The following LRRC7 variants were observed in gnomAD, a reference collection of about 807,000 sequenced individuals.
LRRC7 encodes the protein leucine-rich repeat-containing protein 7.
A neutral mutation model predicts 175.7 loss-of-function variants in LRRC7; 23 were observed. The ratio of observed to expected loss-of-function variants is 0.13; its 90% CI spans 0.09 to 0.19. LRRC7 has a LOEUF of 0.19. Among genes scored for constraint, LRRC7 ranks in the 10% least tolerant of loss-of-function variants. LRRC7 has a pLI of 1.00. For missense variants in LRRC7, 1,354 were observed against 1,904.7 expected, an observed-to-expected ratio of 0.71 and a Z score of 5.38; for synonymous variants, 685 against 680.9, an observed-to-expected ratio of 1.01 and a Z score of -0.09.
At chr1:70,080,864 A>T (rs746697773) in intron 24 of LRRC7, among the ~76,000 whole-genome samples, 1 of 152,102 alleles carries the variant, frequency 6.6e-6, no homozygotes, top group Non-Finnish European at 1.5e-5. Context: ...TGAAGGTTTG[A>T]CTCCCATTCC....
intron 3 of LRRC7, among the ~76,000 whole-genome samples, chr1:69,780,096 C>A (rs1673314252): frequency 6.6e-6 from 1 of 152,146 alleles, no homozygotes; most frequent in Non-Finnish European, 1.5e-5. Flanking sequence ...CTCCCACCTG[C>A]CTGTCTGTTC....
chr1:69,931,451 T>G, intron 7 of LRRC7, 56 bp from the exon 8 acceptor site: 3 of 1,410,748 alleles, frequency 2.1e-6, no homozygotes, highest in Non-Finnish European at 3.0e-6. Context: ...GGAATGTCTT[T>G]TAGAGCAATG....
chr1:69,684,841 A>T (rs555634354), intron 2 of LRRC7, among the ~76,000 whole-genome samples: 1 of 152,342 alleles, frequency 6.6e-6, no homozygotes, highest in South Asian at 2.1e-4. Context: ...ATCTTATTCT[A>T]TAATCCCAAT....
chr1:70,075,531 C>G (rs1025962784), intron 23 of LRRC7, among the ~76,000 whole-genome samples: 6 of 152,148 alleles, frequency 3.9e-5, no homozygotes, highest in Non-Finnish European at 8.8e-5. Context: ...GCTAGTGCCC[C>G]CACAGGAATT....
chr1:69,573,154 T>A (rs1288680865), intron 1 of LRRC7, among the ~76,000 whole-genome samples: 1 of 152,168 alleles, frequency 6.6e-6, no homozygotes, highest in African/African-American at 2.4e-5. Context: ...TGATTCTCAC[T>A]GTTTTGAAGA....
At chr1:69,885,595 G>GT (rs200936239) in intron 7 of LRRC7, among the ~76,000 whole-genome samples, 1 of 127,642 alleles carries the variant, frequency 7.8e-6, no homozygotes, top group Non-Finnish European at 1.6e-5. Flanking sequence ...TTTTTGAAGG[G>GT]TTTTTTGTGT....
chr1:69,726,059 T>C lies in LRRC7; in HGVS notation c.101-34132T>C, dbSNP rs1470861621. ...AGAAAGATGGAACAGCAGAAGAGAG[T>C]AAAATTCACATTTATCAAGTCATTT... On this transcript the variant is annotated intron_variant, in intron 2 of 26. Coordinates refer to ENST00000651989, the MANE Select transcript of LRRC7 (RefSeq NM_001370785.2). 3.3e-5 allele frequency among the ~76,000 whole-genome samples: 5 copies of C among 152,272 alleles called. No individual in the cohort carries two copies. The East Asian group carries it at 9.6e-4, about 29-fold the overall frequency.
chr1:69,975,003 A>C (rs1219891260), intron 8 of LRRC7, among the ~76,000 whole-genome samples: 1 of 152,252 alleles, frequency 6.6e-6, no homozygotes, highest in East Asian at 1.9e-4. Flanking sequence ...CAGATTATTT[A>C]TCCATAAAGT....
chr1:69,758,088 C>T (rs1309432424), intron 2 of LRRC7, among the ~76,000 whole-genome samples: 1 of 151,960 alleles, frequency 6.6e-6, no homozygotes, highest in Non-Finnish European at 1.5e-5. Flanking sequence ...TTACTAAGTG[C>T]CTATTATATA....
chr1:69,749,827 G>A (rs1177826669), intron 2 of LRRC7, among the ~76,000 whole-genome samples: 1 of 151,978 alleles, frequency 6.6e-6, no homozygotes, highest in Non-Finnish European at 1.5e-5. Context: ...ACTTTGGGAG[G>A]CTGAGGTGGG....
At chr1:70,092,547 AT>A (rs1387040108) in intron 25 of LRRC7, among the ~76,000 whole-genome samples, 1 of 152,134 alleles carries the variant, frequency 6.6e-6, no homozygotes, top group African/African-American at 2.4e-5. Context: ...TAATTAATAC[AT>A]TTGTTCCATT....
At chr1:69,948,681 C>A (rs578068002) in intron 8 of LRRC7, among the ~76,000 whole-genome samples, 3 of 152,078 alleles carry the variant, frequency 2.0e-5, no homozygotes, top group Non-Finnish European at 4.4e-5. Flanking sequence ...ATTGATGTGC[C>A]AGCTACTTTT....
chr1:69,892,150 G>T (rs566414797), intron 7 of LRRC7, among the ~76,000 whole-genome samples: 51 of 152,266 alleles, frequency 3.3e-4, no homozygotes, highest in Admixed American at 6.5e-4. Context: ...TATCGTAAAA[G>T]GGGAGCAGTT....
At chr1:69,918,109 T>C (rs1646774411) in intron 7 of LRRC7, among the ~76,000 whole-genome samples, 1 of 152,196 alleles carries the variant, frequency 6.6e-6, no homozygotes, top group African/African-American at 2.4e-5. Flanking sequence ...TGTCACTCTA[T>C]GAAGTAATTA....
At position 70,123,419 on chromosome 1, in the gene LRRC7, C is replaced by G. The variant is rs1666303707; in HGVS notation, c.*1532C>G. 6.6e-6 allele frequency: 1 copy of G among 152,080 alleles called. No homozygotes were observed. The highest frequency in any genetic ancestry group is 1.5e-5 in the Non-Finnish European group (1 of 67,980). The allele number at this position is 152,080 out of a possible 1,614,324, so 9.4% of individuals were successfully genotyped here. ...TCTGAGAATAATATTTGTAAGTTAA[C>G]TGTTTTATGGGGACATTGAAAATAT... On this transcript the variant is annotated 3_prime_UTR_variant, in exon 27 of 27. Coordinates refer to ENST00000651989, the MANE Select transcript of LRRC7 (RefSeq NM_001370785.2).
Position 70,132,447 on chromosome 1 carries a change from CTTTTCTTTTCTTTTTTT to C in LRRC7, c.*10565_*10581del, listed in dbSNP as rs1439761463. 1.4e-5 allele frequency among the ~76,000 whole-genome samples: 1 copy of C among 69,540 alleles called. No homozygotes were observed. Among genetic ancestry groups the C allele is most frequent in the Non-Finnish European group, 2.7e-5 (1 of 37,564 alleles). The allele number at this position is 69,540 out of a possible 152,430, so 45.6% of individuals were successfully genotyped here. A position where few individuals can be genotyped will look rare whatever the true frequency, so the allele number is the denominator to read the frequency against. ...CCAGAGTACTTTTCTTTTTTCTTTT[CTTTTCTTTTCTTTTTTT>C]TTTTTTTTTTTTTTTTTTTGAGACG... On this transcript the variant is annotated 3_prime_UTR_variant, in exon 27 of 27. Coordinates refer to ENST00000651989, the MANE Select transcript of LRRC7 (RefSeq NM_001370785.2).
At chr1:69,800,687 A>G (rs539588739) in intron 4 of LRRC7, among the ~76,000 whole-genome samples, 2 of 152,008 alleles carry the variant, frequency 1.3e-5, no homozygotes, top group East Asian at 1.9e-4. Context: ...TAGTAAACAG[A>G]GATCATTTCA....
At chr1:69,884,853 T>A (rs1031565477) in intron 7 of LRRC7, among the ~76,000 whole-genome samples, 9 of 143,392 alleles carry the variant, frequency 6.3e-5, no homozygotes, top group Non-Finnish European at 1.2e-4. Context: ...CAAAGGCTTT[T>A]TCTGCATCTA....
intron 2 of LRRC7, among the ~76,000 whole-genome samples, chr1:69,721,900 G>C (rs1666393673): frequency 6.6e-6 from 1 of 151,554 alleles, no homozygotes; most frequent in Non-Finnish European, 1.5e-5. Flanking sequence ...CTTTTTTTAA[G>C]TGTATACTTC....
Sources: allele counts gnomAD v4.1 joint callset (sites outside exome capture counted in the v4.1 genomes callset), GRCh38; gene constraint gnomAD v4.1.1; transcripts MANE v1.5; gene names NCBI Gene and HGNC (gene_info 2026-07-23, HGNC 2026-07-21).